Variants in GLRA2 observed in about 807,000 individuals in gnomAD.
GLRA2 encodes the protein glycine receptor alpha 2.
In GLRA2, 11 loss-of-function variants were observed where a neutral mutation model predicts 31.6. That is an observed-to-expected ratio of 0.35 (90% CI 0.22 to 0.58). The LOEUF is 0.58. GLRA2 is among the 20% of genes least tolerant of loss of function. The pLI, the probability that GLRA2 is intolerant of heterozygous loss-of-function variation, is 0.84. For missense variants in GLRA2, 212 were observed against 351.8 expected, an observed-to-expected ratio of 0.60 and a Z score of 3.18; for synonymous variants, 132 against 134.0, an observed-to-expected ratio of 0.99 and a Z score of 0.10.
chrX:14,638,026 C>T (rs1202778719), intron 7 of GLRA2, among the ~76,000 whole-genome samples: 1 of 111,458 alleles, frequency 9.0e-6, no homozygotes, highest in African/African-American at 3.3e-5. Context: ...TTACTAGAGA[C>T]AGGGTAGGGT....
chrX:14,701,798 T>C (rs1302547187), intron 8 of GLRA2, among the ~76,000 whole-genome samples: 1 of 112,659 alleles, frequency 8.9e-6, no homozygotes, highest in Non-Finnish European at 1.9e-5. Context: ...CAGACCTTCT[T>C]AAGGGAGTTT....
intron 4 of GLRA2, among the ~76,000 whole-genome samples, chrX:14,588,481 T>C (rs776824399): frequency 8.9e-6 from 1 of 112,069 alleles, no homozygotes; most frequent in East Asian, 2.8e-4. Flanking sequence ...TTTATTACTG[T>C]AGCCTTATAG....
the GLRA2 span, among the ~76,000 whole-genome samples, chrX:14,489,498 C>T: frequency 8.9e-6 from 1 of 112,283 alleles, no homozygotes; most frequent in Non-Finnish European, 1.9e-5. Context: ...GGGAAACAGA[C>T]TCTTAGCGAG....
chrX:14,456,661 C>T, the GLRA2 span, among the ~76,000 whole-genome samples: 2 of 112,433 alleles, frequency 1.8e-5, no homozygotes, highest in Admixed American at 9.5e-5. Context: ...CCTCCAGTTA[C>T]GTCCATGTTA....
the GLRA2 span, among the ~76,000 whole-genome samples, chrX:14,516,116 C>A: frequency 2.7e-5 from 3 of 111,345 alleles, no homozygotes; most frequent in African/African-American, 9.8e-5. Flanking sequence ...TTCCTGCTAT[C>A]CCTCCTTTTG....
Position 14,718,252 on chromosome X carries a change from C to T in GLRA2, c.1081-11955C>T, listed in dbSNP as rs562543126. ...CTAGCATGACTTACAGAGCAGTTTT[C>T]ACCAACACTGTACTTAGACTGGCAT... On this transcript the variant is annotated intron_variant, in intron 8 of 8. Coordinates refer to ENST00000218075, the MANE Select transcript of GLRA2 (RefSeq NM_002063.4). 1.9e-4 allele frequency among the ~76,000 whole-genome samples: 21 copies of T among 111,703 alleles called. No individual in the cohort carries two copies. In the South Asian group the frequency reaches 6.7e-3, roughly 36 times the overall value.
chrX:14,621,473 C>T (rs1233267484), intron 7 of GLRA2, among the ~76,000 whole-genome samples: 1 of 111,187 alleles, frequency 9.0e-6, no homozygotes, highest in Non-Finnish European at 1.9e-5. Flanking sequence ...ATTAACTCGT[C>T]ATTTACATTA....
chrX:14,665,752 A>G (rs2091032889), intron 7 of GLRA2, among the ~76,000 whole-genome samples: 1 of 112,442 alleles, frequency 8.9e-6, no homozygotes, highest in South Asian at 3.7e-4. Flanking sequence ...AAGGTAGTGT[A>G]GGTTAATCAA....
intron 2 of GLRA2, among the ~76,000 whole-genome samples, chrX:14,553,778 C>A (rs377313198): frequency 4.5e-5 from 5 of 112,115 alleles, no homozygotes; most frequent in East Asian, 2.8e-4. Flanking sequence ...ATTTAACATA[C>A]ACCAGCTCCT....
At chrX:14,657,008 C>T (rs2090947841) in intron 7 of GLRA2, among the ~76,000 whole-genome samples, 1 of 111,260 alleles carries the variant, frequency 9.0e-6, no homozygotes, top group African/African-American at 3.3e-5. Flanking sequence ...GATCTGGGGG[C>T]AGGAAAGATC....
the GLRA2 span, among the ~76,000 whole-genome samples, chrX:14,471,680 G>A: frequency 2.7e-5 from 3 of 112,170 alleles, no homozygotes; most frequent in South Asian, 3.7e-4. Context: ...TTTGCACAGC[G>A]AATAAGTGGG....
chrX:14,704,304 C>A (rs1431120187), intron 8 of GLRA2, among the ~76,000 whole-genome samples: 2 of 112,491 alleles, frequency 1.8e-5, no homozygotes, highest in Non-Finnish European at 3.8e-5. Context: ...GCTATGATGG[C>A]AGATACCTTG....
intron 8 of GLRA2, among the ~76,000 whole-genome samples, chrX:14,703,610 C>T (rs955824152): frequency 1.1e-4 from 12 of 111,681 alleles, no homozygotes; most frequent in Admixed American, 4.7e-4. Flanking sequence ...ATTATCCTGC[C>T]TGCCACAAAC....
chrX:14,584,378 GC>G (rs2090058425), intron 4 of GLRA2, among the ~76,000 whole-genome samples: 1 of 111,462 alleles, frequency 9.0e-6, no homozygotes, highest in Admixed American at 9.5e-5. Context: ...TTAACAGAAT[GC>G]CCCCTTTCGC....
At chrX:14,456,694 A>AT in the GLRA2 span, among the ~76,000 whole-genome samples, 1 of 112,399 alleles carries the variant, frequency 8.9e-6, no homozygotes, top group Non-Finnish European at 1.9e-5. Flanking sequence ...AGATCTCATT[A>AT]TTTTTATGGC....
chrX:14,604,529 G>T, intron 5 of GLRA2, 132 bp downstream of exon 5: 1 of 324,080 alleles, frequency 3.1e-6, no homozygotes, highest in Non-Finnish European at 5.5e-6. Flanking sequence ...CATCCTAATG[G>T]AAAGACAAAC....
the GLRA2 span, among the ~76,000 whole-genome samples, chrX:14,503,544 C>G: frequency 1.8e-5 from 2 of 111,608 alleles, no homozygotes; most frequent in African/African-American, 6.5e-5. Flanking sequence ...AGCATTATCT[C>G]TTTTACTCAA....
At chrX:14,464,040 G>GT in the GLRA2 span, among the ~76,000 whole-genome samples, 112 of 111,984 alleles carry the variant, frequency 1.0e-3, no homozygotes, top group Non-Finnish European at 1.3e-3. Flanking sequence ...TAATCAGATT[G>GT]TTTTGCTGTT....
In GLRA2 at chrX:14,530,064, C is replaced by T. The variant is rs759562153; in HGVS notation, c.7C>T (p.Arg3Trp). The T allele has an allele frequency of 1.7e-6, 2 of 1,197,549 alleles. No individual in the cohort carries two copies. The highest frequency in any genetic ancestry group is 3.0e-5 in the East Asian group (1 of 33,783). ...AAGCAACACAGAAACAGGAATGAAC[C>T]GGCAGCTAGTGAACATTTTGACAGC... is the stretch of plus-strand genomic sequence containing the variant. MN[R>W]QLVNILTALF... Residue 3 changes from arginine (R) to tryptophan (W), a missense_variant, in exon 1 of 9, where the codon CGG (arginine) becomes TGG (tryptophan). By Grantham distance (101) the Arg-to-Trp change is moderately radical. This residue lies in a region of GLRA2 where 33 missense variants were observed against 27.7 expected (regional missense o/e 1.19). Coordinates refer to ENST00000218075, the MANE Select transcript of GLRA2 (RefSeq NM_002063.4).
Sources: allele counts gnomAD v4.1 joint callset (sites outside exome capture counted in the v4.1 genomes callset), GRCh38; gene constraint gnomAD v4.1.1; regional missense constraint gnomAD v4.1.1; transcripts MANE v1.5; gene names NCBI Gene and HGNC (gene_info 2026-07-23, HGNC 2026-07-21).